TSPEAR: variants seen among roughly 807,000 people sequenced by gnomAD.
TSPEAR encodes the protein thrombospondin-type laminin G domain and EAR repeat-containing protein.
TSPEAR carries 69 observed loss-of-function variants against 71.6 expected under a neutral mutation model. That is an observed-to-expected ratio of 0.96 (90% CI 0.79 to 1.18). The LOEUF (loss-of-function observed/expected upper bound fraction) is 1.18. Ranked by LOEUF, TSPEAR falls within the 50% of genes most tolerant of loss-of-function variation. The pLI, the probability that TSPEAR is intolerant of heterozygous loss-of-function variation, is 0.00. For missense variants in TSPEAR, 971 were observed against 894.9 expected (o/e 1.09, Z -1.09); for synonymous variants, 402 against 387.2 (o/e 1.04, Z -0.45).
Position 44,589,593 on chromosome 21 carries a change from G to T in TSPEAR, c.83-21588C>A, listed in dbSNP as rs587638755. 2.0e-4 allele frequency among the ~76,000 whole-genome samples: 31 copies of T among 152,344 alleles called. 1 individual carries two copies. The highest frequency in any genetic ancestry group is 9.1e-4 in the Admixed American group (14 of 15,308). On this transcript the variant is annotated intron_variant, in intron 1 of 11. Coordinates refer to ENST00000323084, the MANE Select transcript of TSPEAR (RefSeq NM_144991.3). The stretch of plus-strand genomic sequence containing the variant: ...CAAGGTGCTTTCACTAGGAGTTGAA[G>T]CTCTGATGAAGCAGAAGACACATCG...
intron 1 of TSPEAR, among the ~76,000 whole-genome samples, chr21:44,629,295 G>A (rs1983112650): frequency 6.6e-6 from 1 of 152,192 alleles, no homozygotes; most frequent in Admixed American, 6.5e-5. Context: ...ACGGACTGGG[G>A]GCTCGAGCCA....
At chr21:44,560,255 A>G (rs587738953) in intron 2 of TSPEAR, among the ~76,000 whole-genome samples, 2 of 152,338 alleles carry the variant, frequency 1.3e-5, no homozygotes, top group African/African-American at 4.8e-5. Flanking sequence ...ACATAATGAT[A>G]AAGGGATCAA....
chr21:44,697,240 C>T (rs782461901), intron 1 of TSPEAR: 19 of 1,613,948 alleles, frequency 1.2e-5, no homozygotes, highest in African/African-American at 5.3e-5. Context: ...ATGGCAGCCG[C>T]GTCTGCCTTC....
intron 1 of TSPEAR, chr21:44,627,973 G>A (rs1210525534): frequency 1.3e-6 from 2 of 1,529,124 alleles, no homozygotes; most frequent in South Asian, 1.2e-5. Context: ...GGCCTCCTGT[G>A]TGTCCCTTCT....
intron 3 of TSPEAR, 21 bp from the exon 4 acceptor site, chr21:44,531,154 T>C: frequency 1.0e-5 from 16 of 1,604,228 alleles, no homozygotes; most frequent in Non-Finnish European, 1.3e-5. Context: ...CAAAGGACTG[T>C]GTTAGGGCCA....
At chr21:44,524,492 TAGTC>T (rs1209324708) in intron 8 of TSPEAR, among the ~76,000 whole-genome samples, 9 of 150,878 alleles carry the variant, frequency 6.0e-5, no homozygotes, top group African/African-American at 1.9e-4. Context: ...GTCAGGTAGT[TAGTC>T]AGGTAGTCAG....
rs143303485 is a variant in TSPEAR at position 44,525,804 on chromosome 21, C to A, written c.1185G>T (p.Glu395Asp). Residue 395 changes from glutamate to aspartate, a missense_variant, in exon 8 of 12, where the codon GAG (glutamate) becomes GAT (aspartate). Glu to Asp is a conservative substitution (Grantham distance 45, BLOSUM62 2). Transcript: ENST00000323084. ...FLAVANFEPD[E>D]KGQEFSVIYK... ...AAATGACAGAGAACTCCTGACCCTTCTCATCTGGTTCAAAATTAGCCACTG... is the reference window on the plus strand; with the variant it reads ...AAATGACAGAGAACTCCTGACCCTTATCATCTGGTTCAAAATTAGCCACTG... 4.1e-5 allele frequency: 66 copies of A among 1,614,098 alleles called. No individual in the cohort carries two copies. The African/African-American group carries it at 7.7e-4, about 19-fold the overall frequency.
chr21:44,624,889 C>G lies in TSPEAR; in HGVS notation c.83-56884G>C, dbSNP rs1982668570. ...TCCCTCTAATAGGGATTCACTCACTCAAGTCTCAGCTGTCTTGGTGACTCC... is the reference window on the plus strand; with the variant it reads ...TCCCTCTAATAGGGATTCACTCACTGAAGTCTCAGCTGTCTTGGTGACTCC... On this transcript the variant is annotated intron_variant, in intron 1 of 11. Coordinates refer to ENST00000323084, the MANE Select transcript of TSPEAR (RefSeq NM_144991.3). 3.3e-5 allele frequency among the ~76,000 whole-genome samples: 5 copies of G among 152,164 alleles called. No individual in the cohort carries two copies. In the South Asian group the frequency reaches 1.0e-3, roughly 32 times the overall value.
chr21:44,521,998 AC>A lies in TSPEAR; in HGVS notation c.1450del (p.Val484TrpfsTer85). 3 of 1,614,138 alleles carry A rather than the reference AC, an allele frequency of 1.9e-6. No individual in the cohort carries two copies. The highest frequency in any genetic ancestry group is 1.7e-6 in the Non-Finnish European group (2 of 1,180,008). On this transcript the variant is annotated frameshift_variant, in exon 9 of 12. Coordinates refer to ENST00000323084, the MANE Select transcript of TSPEAR (RefSeq NM_144991.3). LOFTEE classifies it high-confidence loss of function. The stretch of plus-strand genomic sequence containing the variant: ...CACCACCAGGAACGAGTAGGGCCCC[AC>A]ACTGAAGAACTCCCAGTCGTAGGCG... Reference protein sequence around the residue: ...SGAYDWEFFSVGPYSFLVVAN... With the variant: ...SGAYDWEFFSXGPYSFLVVAN...
chr21:44,534,552 C>G (rs930618273), intron 2 of TSPEAR, among the ~76,000 whole-genome samples: 1 of 151,908 alleles, frequency 6.6e-6, no homozygotes, highest in African/African-American at 2.4e-5. Context: ...CCGTAGGGAC[C>G]GGCTTAGTCA....
At chr21:44,557,103 A>G (rs1320163643) in intron 2 of TSPEAR, among the ~76,000 whole-genome samples, 1 of 152,184 alleles carries the variant, frequency 6.6e-6, no homozygotes, top group African/African-American at 2.4e-5. Flanking sequence ...GGTTTTGAGC[A>G]TTTGCGGCCG....
chr21:44,688,160 T>G (rs1206354905), intron 1 of TSPEAR, among the ~76,000 whole-genome samples: 2 of 151,964 alleles, frequency 1.3e-5, no homozygotes, highest in African/African-American at 4.8e-5. Flanking sequence ...CATGAGATCC[T>G]TGCTTTGGAG....
chr21:44,539,163 G>A (rs587754095), intron 2 of TSPEAR: 3 of 1,396,382 alleles, frequency 2.1e-6, no homozygotes, highest in Non-Finnish European at 1.9e-6. Flanking sequence ...GAGCAAGGAG[G>A]GGGGGTCACC....
intron 1 of TSPEAR, among the ~76,000 whole-genome samples, chr21:44,694,535 T>C (rs970286299): frequency 6.6e-6 from 1 of 152,216 alleles, no homozygotes; most frequent in South Asian, 2.1e-4. Context: ...CCCACAGAAT[T>C]GTTCACTTAA....
Position 44,693,647 on chromosome 21 carries a change from A to AT in TSPEAR, c.82+17785dup, listed in dbSNP as rs56891630. Among the ~76,000 whole-genome samples the AT allele has an allele frequency of 2.4e-4, 37 of 151,206 alleles. 1 individual carries two copies. The highest frequency in any genetic ancestry group is 1.0e-3 in the South Asian group (5 of 4,792). The stretch of plus-strand genomic sequence containing the variant: ...CTTCACACCTACCAGGATGGCTGTA[A>AT]TTTTTTTTTTTTAAAGGAAAATAAC... On this transcript the variant is annotated intron_variant, in intron 1 of 11. Transcript: ENST00000323084.
chr21:44,709,552 G>A (rs1439610782), intron 1 of TSPEAR, among the ~76,000 whole-genome samples: 1 of 152,260 alleles, frequency 6.6e-6, no homozygotes, highest in Non-Finnish European at 1.5e-5. Flanking sequence ...AGGCGCATGG[G>A]CCCCGTGGCA....
intron 1 of TSPEAR, chr21:44,657,973 C>A (rs201126322): frequency 6.2e-7 from 1 of 1,610,884 alleles, no homozygotes; most frequent in East Asian, 2.2e-5. Context: ...CCCAGCCACA[C>A]GCCACCATGT....
rs782604019 is a variant in TSPEAR, at chr21:44,499,773, A to C, written c.*10T>G. The stretch of plus-strand genomic sequence containing the variant: ...CTGGCCACCCCAGTTGCTGCCGGGC[A>C]GCCGCGGCCTCAGCGTGTCCTCAGC... On this transcript the variant is annotated 3_prime_UTR_variant, in exon 12 of 12. Transcript: ENST00000323084. 1.1e-5 allele frequency: 17 copies of C among 1,551,422 alleles called. No homozygotes were observed. In the African/African-American group the frequency reaches 2.2e-4, roughly 20 times the overall value.
At chr21:44,575,182 T>A in intron 1 of TSPEAR, 1 of 771,086 alleles carries the variant, frequency 1.3e-6, no homozygotes, top group Non-Finnish European at 2.1e-6. Flanking sequence ...TGCAGCCCTC[T>A]TGCGGGGGGA....
Sources: gnomAD v4.1 joint callset for allele counts (sites outside exome capture counted in the v4.1 genomes callset) on GRCh38, gnomAD v4.1.1 for gene constraint, MANE v1.5 for transcripts, NCBI Gene and HGNC (gene_info 2026-07-23, HGNC 2026-07-21) for gene names.